The following ASCC1 variants were observed in gnomAD, a reference collection of about 807,000 sequenced individuals.
ASCC1 encodes the protein activating signal cointegrator 1 complex subunit 1.
In ASCC1, 35 loss-of-function variants were observed where a neutral mutation model predicts 46.6. That is an observed-to-expected ratio of 0.75 (90% CI 0.57 to 0.99). ASCC1 has a LOEUF of 0.99. Ranked by LOEUF, ASCC1 falls within the 50% of genes least tolerant of loss-of-function variation. The pLI, the probability that ASCC1 is intolerant of heterozygous loss-of-function variation, is 0.00. For synonymous variants in ASCC1, 143 were observed against 146.6 expected, an observed-to-expected ratio of 0.98 and a Z score of 0.18; for missense variants, 376 against 428.7, an observed-to-expected ratio of 0.88 and a Z score of 1.09.
chr10:72,129,172 G>C (rs1845254676), intron 8 of ASCC1, among the ~76,000 whole-genome samples: 1 of 152,122 alleles, frequency 6.6e-6, no homozygotes, highest in Non-Finnish European at 1.5e-5. Flanking sequence ...TAATGAGAAG[G>C]ATGCTCTTAA....
chr10:72,195,133 T>C (rs886511280), intron 5 of ASCC1, among the ~76,000 whole-genome samples: 1 of 144,126 alleles, frequency 6.9e-6, no homozygotes, highest in Non-Finnish European at 1.5e-5. Flanking sequence ...GTGTGTTTTT[T>C]GCTGTGTTTT....
chr10:72,126,086 T>C (rs1289046768), intron 9 of ASCC1, among the ~76,000 whole-genome samples: 1 of 152,250 alleles, frequency 6.6e-6, no homozygotes, highest in Non-Finnish European at 1.5e-5. Context: ...ATCAGGCAGA[T>C]ATGCCCAACT....
intron 9 of ASCC1, among the ~76,000 whole-genome samples, chr10:72,101,811 G>T (rs1841796805): frequency 6.6e-6 from 1 of 152,142 alleles, no homozygotes; most frequent in African/African-American, 2.4e-5. Context: ...GTTCAGTCAT[G>T]AGGGTGATGT....
rs188943384 is a variant in ASCC1, at chr10:72,188,681, G to A, written c.489+8130C>T. On this transcript the variant is annotated intron_variant, in intron 5 of 9. Transcript: ENST00000672957. ...CAAATAATACTAACAACTTTAACTC[G>A]CAGTAAAGTATAGCAGGAGTAGCAA... Among the ~76,000 whole-genome samples, 134 of 152,146 alleles carry A rather than the reference G, an allele frequency of 8.8e-4. 1 individual carries two copies. The Middle Eastern group carries it at 0.01, about 12-fold the overall frequency.
chr10:72,144,604 C>A (rs1847418977), intron 7 of ASCC1, among the ~76,000 whole-genome samples: 1 of 151,812 alleles, frequency 6.6e-6, no homozygotes, highest in African/African-American at 2.4e-5. Flanking sequence ...TCTGTCTCTA[C>A]TTGTTTGGAA....
At chr10:72,216,719 C>A (rs1859416189), upstream of ASCC1, 1 of 422,670 alleles carries the variant, frequency 2.4e-6, no homozygotes, top group Admixed American at 2.7e-5. Context: ...CCCTGCCGTA[C>A]ATGAAGTAAA....
intron 4 of ASCC1, among the ~76,000 whole-genome samples, chr10:72,202,355 C>G (rs1365971410): frequency 1.3e-5 from 2 of 151,988 alleles, no homozygotes; most frequent in Non-Finnish European, 2.9e-5. Flanking sequence ...GTAGTCCCAG[C>G]TACTCGGGAG....
Position 72,132,882 on chromosome 10 carries a change from A to G in ASCC1, c.871+175T>C, listed in dbSNP as rs1399323780. 2.6e-5 allele frequency among the ~76,000 whole-genome samples: 4 copies of G among 152,202 alleles called. No homozygotes were observed. In the South Asian group the frequency reaches 8.3e-4, roughly 32 times the overall value. On this transcript the variant is annotated intron_variant, in intron 8 of 9. Coordinates refer to ENST00000672957, the MANE Select transcript of ASCC1 (RefSeq NM_001198800.3). ...GACAGAAATAAAAGATCTGGAAGCC[A>G]CAGTTCCATGCTATATATGTTCTTG...
intron 9 of ASCC1, among the ~76,000 whole-genome samples, chr10:72,113,858 G>A (rs1843188675): frequency 6.6e-6 from 1 of 152,124 alleles, no homozygotes; most frequent in African/African-American, 2.4e-5. Context: ...ATCAAAGAAG[G>A]GAGGCAGAGC....
chr10:72,137,088 T>A (rs1020742248), intron 7 of ASCC1, among the ~76,000 whole-genome samples: 2 of 151,950 alleles, frequency 1.3e-5, no homozygotes, highest in African/African-American at 4.8e-5. Flanking sequence ...TTTTTTTTTT[T>A]AACTTTTTGT....
chr10:72,113,958 G>A lies in ASCC1; in HGVS notation c.957+14124C>T, dbSNP rs1387333573. 2.0e-5 allele frequency among the ~76,000 whole-genome samples: 3 copies of A among 152,186 alleles called. No individual in the cohort carries two copies. In the East Asian group the frequency reaches 5.8e-4, roughly 29 times the overall value. On this transcript the variant is annotated intron_variant, in intron 9 of 9. Transcript: ENST00000672957. ...ACTTTCACATTTTTCTGACATTCATGCTAATTGTAAAATTAGCACCATTTA... is the reference window on the plus strand; with the variant it reads ...ACTTTCACATTTTTCTGACATTCATACTAATTGTAAAATTAGCACCATTTA...
rs142196350 is a variant in ASCC1 at position 72,169,568 on chromosome 10, A to G, written c.490-7894T>C. On this transcript the variant is annotated intron_variant, in intron 5 of 9. Transcript: ENST00000672957. ...AAAAAACACAGGACAAATAAACCAG[A>G]AAACAATGATATTGGTCACCCACAA... 2.3e-4 allele frequency among the ~76,000 whole-genome samples: 35 copies of G among 152,338 alleles called. No individual in the cohort carries two copies. The East Asian group carries it at 3.9e-3, about 17-fold the overall frequency.
At chr10:72,098,574 T>G (rs1361058256) in intron 9 of ASCC1, among the ~76,000 whole-genome samples, 1 of 152,256 alleles carries the variant, frequency 6.6e-6, no homozygotes, top group Non-Finnish European at 1.5e-5. Context: ...AGGGGACCTT[T>G]GCACATGGAC....
At chr10:72,195,013 A>C (rs1855148168) in intron 5 of ASCC1, among the ~76,000 whole-genome samples, 1 of 151,762 alleles carries the variant, frequency 6.6e-6, no homozygotes, top group African/African-American at 2.4e-5. Flanking sequence ...AAGTGCTGGT[A>C]TTACAGGTGT....
intron 5 of ASCC1, among the ~76,000 whole-genome samples, chr10:72,164,164 GT>G (rs1409216493): frequency 2.6e-5 from 4 of 151,992 alleles, no homozygotes; most frequent in Non-Finnish European, 5.9e-5. Flanking sequence ...TTTTTACCAT[GT>G]TGGACAGGCT....
In ASCC1 at chr10:72,133,295, C is replaced by T. The variant is rs915281023; in HGVS notation, c.747-114G>A. The T allele has an allele frequency of 1.0e-5, 11 of 1,067,774 alleles. No homozygotes were observed. The African/African-American group carries it at 1.4e-4, about 14-fold the overall frequency. 66.1% of individuals were successfully genotyped at this position (1,067,774 alleles called of 1,614,324 possible). A position where few individuals can be genotyped will look rare whatever the true frequency, so the allele number is the denominator to read the frequency against. On this transcript the variant is annotated intron_variant, in intron 7 of 9. Transcript: ENST00000672957. ...CTCTGTGCTAATCACCATACAAAGCCCTGCATCACAGGAGGAAGAATAAGA... is the reference window on the plus strand; with the variant it reads ...CTCTGTGCTAATCACCATACAAAGCTCTGCATCACAGGAGGAAGAATAAGA...
At chr10:72,141,249 T>C (rs1169453109) in intron 7 of ASCC1, among the ~76,000 whole-genome samples, 1 of 152,200 alleles carries the variant, frequency 6.6e-6, no homozygotes. Context: ...ACTTTTGAGA[T>C]AGAAGTCAGT....
intron 9 of ASCC1, among the ~76,000 whole-genome samples, chr10:72,103,654 T>C (rs1462301114): frequency 1.3e-5 from 2 of 152,122 alleles, no homozygotes; most frequent in Non-Finnish European, 2.9e-5. Flanking sequence ...ATGAAGGCCG[T>C]CCTGTGACCT....
At chr10:72,177,240 T>C (rs1397234630) in intron 5 of ASCC1, among the ~76,000 whole-genome samples, 1 of 152,118 alleles carries the variant, frequency 6.6e-6, no homozygotes, top group Admixed American at 6.6e-5. Context: ...CTACCCAACT[T>C]GGTAGGTTTT....
Sources: gnomAD v4.1 joint callset for allele counts (sites outside exome capture counted in the v4.1 genomes callset) on GRCh38, gnomAD v4.1.1 for gene constraint, MANE v1.5 for transcripts, NCBI Gene and HGNC (gene_info 2026-07-23, HGNC 2026-07-21) for gene names.